Variants in ADGRL3 observed in about 807,000 individuals in gnomAD.
The protein encoded by ADGRL3 is adhesion G protein-coupled receptor L3.
Under a neutral mutation model 153.5 loss-of-function variants are expected in ADGRL3, and 62 were observed. The ratio of observed to expected loss-of-function variants is 0.40; its 90% CI spans 0.33 to 0.50. ADGRL3 has a LOEUF of 0.50. Ranked by LOEUF, ADGRL3 falls within the 20% of genes least tolerant of loss-of-function variation. The pLI, the probability that ADGRL3 is intolerant of heterozygous loss-of-function variation, is 0.47. For missense variants in ADGRL3, 1,641 were observed against 1,859.4 expected, an observed-to-expected ratio of 0.88 and a Z score of 2.16; for synonymous variants, 710 against 672.5, an observed-to-expected ratio of 1.06 and a Z score of -0.86.
rs909501062 is a variant in ADGRL3, at chr4:61,650,183, G to A, written c.474-26643G>A. Among the ~76,000 whole-genome samples, 7 of 152,078 alleles carry A rather than the reference G, an allele frequency of 4.6e-5. No individual in the cohort carries two copies. In the South Asian group the frequency reaches 1.5e-3, roughly 32 times the overall value. On this transcript the variant is annotated intron_variant, in intron 5 of 26. Coordinates refer to ENST00000683033, the MANE Select transcript of ADGRL3 (RefSeq NM_001387552.1). ...AGATGTTTTATATGCCATCCTATAA[G>A]GATGTATACTGTAAATTTATTAAGC...
intron 4 of ADGRL3, among the ~76,000 whole-genome samples, chr4:61,520,204 G>A (rs2098521583): frequency 6.6e-6 from 1 of 152,060 alleles, no homozygotes; most frequent in African/African-American, 2.4e-5. Context: ...TAAAGCAGAA[G>A]GAAGTCTGAG....
chr4:61,917,271 TATC>T (rs763340181), intron 13 of ADGRL3, among the ~76,000 whole-genome samples: 15 of 152,204 alleles, frequency 9.9e-5, no homozygotes, highest in Non-Finnish European at 5.9e-5. Flanking sequence ...AGGCAAGACA[TATC>T]ATTAGGTTTA....
At chr4:61,517,076 G>GTTT (rs11315799) in intron 3 of ADGRL3, among the ~76,000 whole-genome samples, 1 of 140,056 alleles carries the variant, frequency 7.1e-6, no homozygotes, top group Non-Finnish European at 1.6e-5. Context: ...ATTAGGATGA[G>GTTT]TTTTTTTTTT....
intron 1 of ADGRL3, among the ~76,000 whole-genome samples, chr4:61,236,684 T>C (rs1286457587): frequency 6.6e-6 from 1 of 152,198 alleles, no homozygotes; most frequent in East Asian, 1.9e-4. Flanking sequence ...GTGTAAGATA[T>C]ATAGGCTCAT....
intron 20 of ADGRL3, among the ~76,000 whole-genome samples, 153 bp from the exon 21 acceptor site, chr4:61,998,021 T>A (rs1383917908): frequency 1.3e-5 from 2 of 152,192 alleles, no homozygotes; most frequent in Non-Finnish European, 2.9e-5. Context: ...CTTATTGCCT[T>A]TACTAAAACA....
At chr4:61,528,375 A>T (rs1233787439) in intron 4 of ADGRL3, among the ~76,000 whole-genome samples, 2 of 152,014 alleles carry the variant, frequency 1.3e-5, no homozygotes, top group Non-Finnish European at 2.9e-5. Context: ...CATACCTAGT[A>T]TGTTTCCTTA....
At chr4:61,531,053 T>C (rs145343749) in intron 4 of ADGRL3, among the ~76,000 whole-genome samples, 31 of 152,256 alleles carry the variant, frequency 2.0e-4, no homozygotes, top group Non-Finnish European at 4.0e-4. Flanking sequence ...TTAATTGTAA[T>C]GCAAATGGAA....
At chr4:61,290,468 GAAGATA>G (rs1483763339) in intron 1 of ADGRL3, among the ~76,000 whole-genome samples, 1 of 151,906 alleles carries the variant, frequency 6.6e-6, no homozygotes, top group African/African-American at 2.4e-5. Flanking sequence ...CAATGGTAAG[GAAGATA>G]AGGATAACAT....
intron 4 of ADGRL3, among the ~76,000 whole-genome samples, chr4:61,581,574 G>C (rs530475885): frequency 6.6e-6 from 1 of 152,096 alleles, no homozygotes; most frequent in African/African-American, 2.4e-5. Flanking sequence ...TGGCTTTCTT[G>C]ATTACCTATC....
At chr4:61,611,788 G>A (rs1466798918) in intron 5 of ADGRL3, among the ~76,000 whole-genome samples, 1 of 152,014 alleles carries the variant, frequency 6.6e-6, no homozygotes, top group South Asian at 2.1e-4. Flanking sequence ...GGGTGTGGTG[G>A]TGTGTGCCTA....
intron 1 of ADGRL3, chr4:61,212,239 C>A (rs1203321347): frequency 6.6e-6 from 1 of 151,990 alleles, no homozygotes; most frequent in Non-Finnish European, 1.5e-5. Flanking sequence ...GAAGTAAAAC[C>A]AGAAAAAGTG....
chr4:61,805,917 T>C (rs1292279349), intron 8 of ADGRL3, among the ~76,000 whole-genome samples: 5 of 152,204 alleles, frequency 3.3e-5, no homozygotes, highest in Non-Finnish European at 7.3e-5. Context: ...AACATCGTTA[T>C]CAAATTTGCA....
intron 9 of ADGRL3, among the ~76,000 whole-genome samples, chr4:61,849,405 T>G (rs1426860879): frequency 6.6e-6 from 1 of 152,168 alleles, no homozygotes; most frequent in Non-Finnish European, 1.5e-5. Flanking sequence ...CAGCCTCACT[T>G]AGCACTAAAG....
At chr4:61,389,206 G>A (rs1356457487) in intron 2 of ADGRL3, among the ~76,000 whole-genome samples, 1 of 152,148 alleles carries the variant, frequency 6.6e-6, no homozygotes, top group Admixed American at 6.5e-5. Context: ...GAAAGATCCA[G>A]TTTAACACAA....
chr4:61,557,687 C>T (rs2098773486), intron 4 of ADGRL3, among the ~76,000 whole-genome samples: 1 of 152,048 alleles, frequency 6.6e-6, no homozygotes, highest in South Asian at 2.1e-4. Flanking sequence ...AATAAGAGCA[C>T]TCAAACACTA....
In ADGRL3 at chr4:62,070,781, A is replaced by G. The variant is rs905625182; in HGVS notation, c.4505A>G (p.His1502Arg). The G allele has an allele frequency of 3.2e-6, 5 of 1,551,564 alleles. No homozygotes were observed. Among genetic ancestry groups the G allele is most frequent in the Admixed American group, 2.0e-5 (1 of 50,978 alleles). ...AACCTAGGCTCCAGAAACCACGTCC[A>G]TCAGCTGCATACTTACTACCAGCTA... is the stretch of plus-strand genomic sequence containing the variant. ...MPNLGSRNHV[H>R]QLHTYYQLGR... The change falls in exon 27 of 27, where the codon CAT becomes CGT. Residue 1502 changes from histidine (H) to arginine (R), a missense_variant. This residue lies in a region of ADGRL3 where 517 missense variants were observed against 555.0 expected (regional missense o/e 0.93). Coordinates refer to ENST00000683033, the MANE Select transcript of ADGRL3 (RefSeq NM_001387552.1).
At chr4:61,241,752 CACTG>C (rs1755065730) in intron 1 of ADGRL3, among the ~76,000 whole-genome samples, 1 of 151,888 alleles carries the variant, frequency 6.6e-6, no homozygotes, top group Admixed American at 6.6e-5. Flanking sequence ...ATTCAGACAC[CACTG>C]ACTCTTATTA....
chr4:61,603,226 C>T (rs904828705), intron 5 of ADGRL3, among the ~76,000 whole-genome samples: 1 of 152,080 alleles, frequency 6.6e-6, no homozygotes. Flanking sequence ...GGATTAGAGG[C>T]ATTACCAACA....
intron 9 of ADGRL3, among the ~76,000 whole-genome samples, chr4:61,840,548 A>G (rs1363547119): frequency 1.3e-5 from 2 of 152,198 alleles, no homozygotes; most frequent in South Asian, 2.1e-4. Flanking sequence ...AACTGCGGAA[A>G]TACTACTGGA....
Sources: allele counts gnomAD v4.1 joint callset (sites outside exome capture counted in the v4.1 genomes callset), GRCh38; gene constraint gnomAD v4.1.1; regional missense constraint gnomAD v4.1.1; transcripts MANE v1.5; gene names NCBI Gene and HGNC (gene_info 2026-07-23, HGNC 2026-07-21).